The following ACADSB variants were observed in gnomAD, a reference collection of about 807,000 sequenced individuals.
ACADSB encodes the protein acyl-CoA dehydrogenase short/branched chain, also known as short/branched chain specific acyl-CoA dehydrogenase, mitochondrial.
ACADSB carries 40 observed loss-of-function variants against 54.1 expected under a neutral mutation model. That is an observed-to-expected ratio of 0.74 (90% CI 0.57 to 0.96). The LOEUF (loss-of-function observed/expected upper bound fraction) is 0.96. ACADSB is among the 40% of genes least tolerant of loss of function. ACADSB has a pLI of 0.00. For synonymous variants in ACADSB, 182 were observed against 182.8 expected (o/e 1.00, Z 0.03); for missense variants, 530 against 510.4 (o/e 1.04, Z -0.37).
chr10:123,030,291 C>T (rs759200545), intron 1 of ACADSB, among the ~76,000 whole-genome samples: 1 of 152,090 alleles, frequency 6.6e-6, no homozygotes, highest in Non-Finnish European at 1.5e-5. Context: ...TCTGGGAGGC[C>T]GAGATGGGCG....
At chr10:123,031,069 T>C (rs1169070250) in intron 1 of ACADSB, among the ~76,000 whole-genome samples, 1 of 152,232 alleles carries the variant, frequency 6.6e-6, no homozygotes, top group Non-Finnish European at 1.5e-5. Flanking sequence ...GAATTTGAAG[T>C]AGTGAAGAGC....
At position 123,047,264 on chromosome 10, in the gene ACADSB, G is replaced by A; in HGVS notation, c.956G>A (p.Arg319Lys). 6.2e-7 allele frequency: 1 copy of A among 1,609,350 alleles called. No homozygotes were observed. Among genetic ancestry groups the A allele is most frequent in the South Asian group, 1.1e-5 (1 of 90,986 alleles). The part of the protein sequence containing the change: ...FDYTIPYIKE[R>K]IQFGKRLFDF... ...TACACTATTCCATATATTAAAGAAA[G>A]GATACAATTTGGCAAAAGACTATTT... The change falls in exon 8 of 11, where the codon AGG (arginine) becomes AAG (lysine). Residue 319 changes from arginine to lysine, a missense_variant. Coordinates refer to ENST00000358776, the MANE Select transcript of ACADSB (RefSeq NM_001609.4).
intron 1 of ACADSB, among the ~76,000 whole-genome samples, chr10:123,030,001 C>T (rs1443402564): frequency 6.6e-6 from 1 of 152,164 alleles, no homozygotes; most frequent in East Asian, 1.9e-4. Flanking sequence ...TGGGTTGATG[C>T]TGTGTGAAAC....
chr10:123,053,013 G>A (rs1241700002), intron 9 of ACADSB, 48 bp from the exon 10 acceptor site: 10 of 1,442,360 alleles, frequency 6.9e-6, no homozygotes, highest in Non-Finnish European at 9.8e-6. Context: ...TGTTTATCAT[G>A]TATAAGTTAT....
chr10:123,048,205 A>G (rs1474862855), intron 8 of ACADSB, among the ~76,000 whole-genome samples: 1 of 152,224 alleles, frequency 6.6e-6, no homozygotes, highest in African/African-American at 2.4e-5. Context: ...CAGGTTTATA[A>G]TAATGACTAG....
chr10:123,031,093 C>T (rs1850320786), intron 1 of ACADSB, among the ~76,000 whole-genome samples: 1 of 152,178 alleles, frequency 6.6e-6, no homozygotes, highest in African/African-American at 2.4e-5. Context: ...AATAATATTT[C>T]AAGATATTTG....
chr10:123,055,153 G>A lies in ACADSB; in HGVS notation c.*1388G>A, dbSNP rs554182880. 5 of 158,046 alleles carry A rather than the reference G, an allele frequency of 3.2e-5. No homozygotes were observed. Among genetic ancestry groups the A allele is most frequent in the Non-Finnish European group, 5.5e-5 (4 of 72,762 alleles). 9.8% of individuals were successfully genotyped at this position (158,046 alleles called of 1,614,324 possible). On this transcript the variant is annotated 3_prime_UTR_variant, in exon 11 of 11. Transcript: ENST00000358776. Reference sequence around the variant, plus strand: ...TCTGGTTGTATTAGTCTGTTTTCACGCTGCTGATAAAGACATACCTGAGAC... The same window carrying A: ...TCTGGTTGTATTAGTCTGTTTTCACACTGCTGATAAAGACATACCTGAGAC...
At chr10:123,023,543 G>GCAATA (rs1417696967) in intron 1 of ACADSB, among the ~76,000 whole-genome samples, 4 of 152,148 alleles carry the variant, frequency 2.6e-5, no homozygotes, top group Non-Finnish European at 5.9e-5. Flanking sequence ...CCATGAGATA[G>GCAATA]CAATACAGGC....
At chr10:123,041,414 A>T in intron 5 of ACADSB, 35 bp downstream of exon 5, 2 of 1,604,400 alleles carry the variant, frequency 1.2e-6, no homozygotes, top group Admixed American at 1.7e-5. Flanking sequence ...TCTTTTTCCA[A>T]ACCCCTTCTT....
In ACADSB at chr10:123,045,427, G is replaced by C. The variant is rs199991846; in HGVS notation, c.900+942G>C. Among the ~76,000 whole-genome samples the C allele has an allele frequency of 2.0e-5, 3 of 151,340 alleles. No individual in the cohort carries two copies. In the East Asian group the frequency reaches 5.8e-4, roughly 29 times the overall value. ...AATCTCCTGACCTCGTGATCCACCC[G>C]CCTCGGCCTCCCAAAGTGCTGGGAT... On this transcript the variant is annotated intron_variant, in intron 7 of 10. Transcript: ENST00000358776.
chr10:123,042,230 T>A (rs1056777580), intron 5 of ACADSB, among the ~76,000 whole-genome samples: 5 of 152,028 alleles, frequency 3.3e-5, no homozygotes, highest in Non-Finnish European at 1.5e-5. Flanking sequence ...CCTCCCAAAT[T>A]GCTGGGATTA....
rs576202496 is a variant in ACADSB at position 123,028,166 on chromosome 10, G to A, written c.43-6190G>A. On this transcript the variant is annotated intron_variant, in intron 1 of 10. Coordinates refer to ENST00000358776, the MANE Select transcript of ACADSB (RefSeq NM_001609.4). ...TAAAAATGGAATCAGATTGGCCTGG[G>A]GAGGCTACACACTGATTTAAATCTC... 4.6e-5 allele frequency among the ~76,000 whole-genome samples: 7 copies of A among 152,214 alleles called. No homozygotes were observed. In the South Asian group the frequency reaches 1.2e-3, roughly 27 times the overall value.
At chr10:123,015,157 T>C (rs1850094251) in intron 1 of ACADSB, among the ~76,000 whole-genome samples, 1 of 152,218 alleles carries the variant, frequency 6.6e-6, no homozygotes, top group East Asian at 1.9e-4. Flanking sequence ...CACAAGAATT[T>C]ATAATGTTTA....
intron 3 of ACADSB, among the ~76,000 whole-genome samples, chr10:123,039,168 T>C (rs1251527387): frequency 2.0e-5 from 3 of 152,254 alleles, no homozygotes; most frequent in African/African-American, 7.2e-5. Context: ...ATGTCTCTGA[T>C]ATCTGTTCGA....
intron 1 of ACADSB, among the ~76,000 whole-genome samples, chr10:123,014,346 T>G (rs1003406570): frequency 2.6e-5 from 4 of 152,206 alleles, no homozygotes; most frequent in African/African-American, 9.7e-5. Flanking sequence ...TTAAGTTAGT[T>G]TTTTAGAGAC....
At chr10:123,042,365 G>T (rs867811310) in intron 5 of ACADSB, among the ~76,000 whole-genome samples, 14 of 151,028 alleles carry the variant, frequency 9.3e-5, no homozygotes, top group Middle Eastern at 3.4e-3. Context: ...TATTCAGTTG[G>T]AAAATAGACA....
chr10:123,017,175 A>G (rs932728844), intron 1 of ACADSB, among the ~76,000 whole-genome samples: 10 of 152,186 alleles, frequency 6.6e-5, no homozygotes, highest in African/African-American at 2.2e-4. Context: ...TTTAAACTCC[A>G]TAATAGTCCT....
At chr10:123,034,617 T>C in intron 2 of ACADSB, 102 bp downstream of exon 2, 1 of 1,312,444 alleles carries the variant, frequency 7.6e-7, no homozygotes, top group South Asian at 1.2e-5. Flanking sequence ...GGGCTCAAGC[T>C]ATCCTGCTTC....
At chr10:123,033,057 C>T (rs1234436553) in intron 1 of ACADSB, among the ~76,000 whole-genome samples, 2 of 152,180 alleles carry the variant, frequency 1.3e-5, no homozygotes, top group South Asian at 4.1e-4. Context: ...TCCTGTCCAT[C>T]TCATCAAGGA....
Sources: allele counts gnomAD v4.1 joint callset (sites outside exome capture counted in the v4.1 genomes callset), GRCh38; gene constraint gnomAD v4.1.1; transcripts MANE v1.5; gene names NCBI Gene and HGNC (gene_info 2026-07-23, HGNC 2026-07-21).